CMTM8: variants seen among roughly 807,000 people sequenced by gnomAD.
CMTM8 encodes CKLF like MARVEL transmembrane domain containing 8, also known as CKLF-like MARVEL transmembrane domain-containing protein 8.
Under a neutral mutation model 18.6 loss-of-function variants are expected in CMTM8, and 12 were observed. The observed-to-expected ratio is 0.65, with a 90% confidence interval of 0.41 to 1.05. The LOEUF is 1.05. Ranked by LOEUF, CMTM8 falls within the 50% of genes least tolerant of loss-of-function variation. The pLI, the probability that CMTM8 is intolerant of heterozygous loss-of-function variation, is 0.00. For synonymous variants in CMTM8, 87 were observed against 90.6 expected (o/e 0.96, Z 0.23); for missense variants, 217 against 227.2 (o/e 0.95, Z 0.29).
At chr3:32,298,509 G>T (rs1321651968) in intron 1 of CMTM8, among the ~76,000 whole-genome samples, 1 of 144,776 alleles carries the variant, frequency 6.9e-6, no homozygotes, top group African/African-American at 2.6e-5. Context: ...GAGCACTCTT[G>T]GTCTCTTTCC....
chr3:32,347,820 G>C (rs1284799753), intron 1 of CMTM8, among the ~76,000 whole-genome samples: 1 of 152,078 alleles, frequency 6.6e-6, no homozygotes, highest in Non-Finnish European at 1.5e-5. Flanking sequence ...TTCCCTAACA[G>C]CTTCAATCGA....
intron 2 of CMTM8, 61 bp downstream of exon 2, chr3:32,357,607 C>T (rs1696842158): frequency 6.5e-7 from 1 of 1,529,384 alleles, no homozygotes; most frequent in Non-Finnish European, 9.0e-7. Context: ...CATTAGTCCT[C>T]TACTAGTCAA....
At chr3:32,346,535 A>G (rs1696599346) in intron 1 of CMTM8, among the ~76,000 whole-genome samples, 1 of 152,220 alleles carries the variant, frequency 6.6e-6, no homozygotes, top group African/African-American at 2.4e-5. Context: ...CTTTGGTTGC[A>G]GACAGCCACC....
intron 1 of CMTM8, among the ~76,000 whole-genome samples, chr3:32,314,070 G>C (rs1392855213): frequency 1.3e-5 from 2 of 152,124 alleles, no homozygotes; most frequent in Non-Finnish European, 2.9e-5. Context: ...AGCTGCCGAG[G>C]CTAGTTCCTG....
At position 32,358,031 on chromosome 3, in the gene CMTM8, T is replaced by A. The variant is rs1696851079; in HGVS notation, c.321+485T>A. On this transcript the variant is annotated intron_variant, in intron 2 of 3. Coordinates refer to ENST00000307526, the MANE Select transcript of CMTM8 (RefSeq NM_178868.5). This position sits in a 1 kb window ranked among gnomAD's most constrained non-coding sequence, Gnocchi z 4.1. ...GAAAATTGCTATTAGAAAACATAGG[T>A]GTTCTTATATATTTGAAAAGGAGAA... is the stretch of plus-strand genomic sequence containing the variant. Among the ~76,000 whole-genome samples the A allele has an allele frequency of 6.6e-6, 1 of 152,176 alleles. No individual in the cohort carries two copies. The highest frequency in any genetic ancestry group is 6.5e-5 in the Admixed American group (1 of 15,274).
rs147593639 is a variant in CMTM8, at chr3:32,247,578, G to A, written c.147+8459G>A. Reference sequence around the variant, plus strand: ...TGACCTCAAGTGATCCACCCACCTCGACCTCCCCAAGTGCTGAGATTACAG... The same window carrying A: ...TGACCTCAAGTGATCCACCCACCTCAACCTCCCCAAGTGCTGAGATTACAG... On this transcript the variant is annotated intron_variant, in intron 1 of 3. Coordinates refer to ENST00000307526, the MANE Select transcript of CMTM8 (RefSeq NM_178868.5). Among the ~76,000 whole-genome samples the A allele has an allele frequency of 5.4e-3, 822 of 151,906 alleles. 5 individuals carry two copies. The highest frequency in any genetic ancestry group is 8.3e-3 in the Admixed American group (126 of 15,238).
chr3:32,353,049 A>G (rs912582500), intron 1 of CMTM8, among the ~76,000 whole-genome samples: 13 of 152,170 alleles, frequency 8.5e-5, no homozygotes, highest in Non-Finnish European at 1.8e-4. Flanking sequence ...GCTGGAGTAT[A>G]GTGGTGCAAT....
intron 1 of CMTM8, among the ~76,000 whole-genome samples, chr3:32,311,347 A>G (rs978787946): frequency 2.6e-5 from 4 of 152,248 alleles, no homozygotes; most frequent in Admixed American, 1.3e-4. Context: ...TTGTGCTCCA[A>G]GGACAGAGTT....
At chr3:32,253,458 C>T (rs1238267296) in intron 1 of CMTM8, among the ~76,000 whole-genome samples, 2 of 151,442 alleles carry the variant, frequency 1.3e-5, no homozygotes, top group Non-Finnish European at 1.5e-5. Flanking sequence ...GATTCTCCTG[C>T]CTCAGCCTCC....
intron 1 of CMTM8, among the ~76,000 whole-genome samples, chr3:32,318,055 C>CAAA (rs60403582): frequency 6.2e-4 from 53 of 85,744 alleles, no homozygotes; most frequent in Admixed American, 8.6e-4. Flanking sequence ...AACTCTGTCT[C>CAAA]AAAAAAAAAA....
At chr3:32,357,307 T>C in intron 1 of CMTM8, 66 bp from the exon 2 acceptor site, 1 of 1,176,518 alleles carries the variant, frequency 8.5e-7, no homozygotes, top group South Asian at 1.4e-5. Flanking sequence ...TCTTTGTCCC[T>C]CCTTCCTTCT....
At chr3:32,312,371 CT>C (rs1695836929) in intron 1 of CMTM8, among the ~76,000 whole-genome samples, 1 of 152,210 alleles carries the variant, frequency 6.6e-6, no homozygotes, top group Non-Finnish European at 1.5e-5. Flanking sequence ...TTGGCAGTTC[CT>C]GTGACCCCCA....
intron 1 of CMTM8, among the ~76,000 whole-genome samples, chr3:32,273,133 G>GTGTGTGTGTGTGTGTT: frequency 6.8e-6 from 1 of 146,932 alleles, no homozygotes; most frequent in Non-Finnish European, 1.5e-5. Flanking sequence ...GAACAAATGT[G>GTGTGTGTGTGTGTGTT]TGTGTGTGTG....
At chr3:32,320,842 A>G (rs1696030268) in intron 1 of CMTM8, among the ~76,000 whole-genome samples, 1 of 152,030 alleles carries the variant, frequency 6.6e-6, no homozygotes, top group Admixed American at 6.5e-5. Context: ...TCTCTCCTCA[A>G]AAATCACCCA....
intron 1 of CMTM8, among the ~76,000 whole-genome samples, chr3:32,286,831 C>T (rs578000740): frequency 3.9e-4 from 60 of 152,340 alleles, no homozygotes; most frequent in South Asian, 3.3e-3. Flanking sequence ...GGGCTGCATT[C>T]GAAGCCATCT....
At chr3:32,303,309 C>T (rs966462458) in intron 1 of CMTM8, among the ~76,000 whole-genome samples, 3 of 152,096 alleles carry the variant, frequency 2.0e-5, no homozygotes, top group Non-Finnish European at 2.9e-5. Context: ...GAATTCATTT[C>T]GTATCTGCAT....
intron 1 of CMTM8, chr3:32,259,210 C>G: frequency 1.9e-6 from 1 of 534,538 alleles, no homozygotes; most frequent in East Asian, 4.0e-5. Flanking sequence ...CACGCACAGC[C>G]TGAACGACTG....
At chr3:32,293,575 G>A (rs1702821545) in intron 1 of CMTM8, among the ~76,000 whole-genome samples, 1 of 152,140 alleles carries the variant, frequency 6.6e-6, no homozygotes, top group Non-Finnish European at 1.5e-5. Context: ...GCCAGGTGCA[G>A]TGACTCACAT....
At chr3:32,351,628 C>G (rs978364652) in intron 1 of CMTM8, among the ~76,000 whole-genome samples, 7 of 151,894 alleles carry the variant, frequency 4.6e-5, no homozygotes, top group Non-Finnish European at 8.8e-5. Context: ...AGAAAGATCT[C>G]TTGAGCCCAG....
Sources: allele counts gnomAD v4.1 joint callset (sites outside exome capture counted in the v4.1 genomes callset), GRCh38; gene constraint gnomAD v4.1.1; non-coding constraint Gnocchi (gnomAD v3.1); transcripts MANE v1.5; gene names NCBI Gene and HGNC (gene_info 2026-07-23, HGNC 2026-07-21).